The following PTPRD variants were observed in gnomAD, a reference collection of about 807,000 sequenced individuals.
PTPRD encodes the protein receptor-type tyrosine-protein phosphatase delta.
Under a neutral mutation model 214.5 loss-of-function variants are expected in PTPRD, and 34 were observed. The observed-to-expected ratio is 0.16, with a 90% CI of 0.12 to 0.21. The LOEUF (loss-of-function observed/expected upper bound fraction) is 0.21. PTPRD is among the 10% of genes least tolerant of loss of function. PTPRD has a pLI of 1.00. For synonymous variants in PTPRD, 1,128 were observed against 845.7 expected (o/e 1.33, Z -5.79); for missense variants, 2,545 against 2,398.7 (o/e 1.06, Z -1.27).
chr9:8,956,322 A>C (rs1175615145), intron 11 of PTPRD, among the ~76,000 whole-genome samples: 1 of 151,974 alleles, frequency 6.6e-6, no homozygotes, highest in Non-Finnish European at 1.5e-5. Flanking sequence ...AGAAAAAAGA[A>C]AAATAAAAAC....
chr9:9,019,325 A>AAAGG lies in PTPRD; in HGVS notation c.-142-591_-142-590insCCTT, dbSNP rs1237556481. Among the ~76,000 whole-genome samples, 517 of 63,470 alleles carry AAAGG rather than the reference A, an allele frequency of 8.1e-3. 5 individuals are homozygous for AAAGG. Among genetic ancestry groups the AAAGG allele is most frequent in the Middle Eastern group, 0.019 (2 of 106 alleles). The allele number at this position is 63,470 out of a possible 152,430, so 41.6% of individuals were successfully genotyped here. A position where few individuals can be genotyped will look rare whatever the true frequency, so the allele number is the denominator to read the frequency against. Reference sequence around the variant, plus strand: ...GAAAGAAAGAAAGAAAGAAAGAAAGAAAGAAAGAAAGAACGAAAGAAAGAA... The same window carrying AAAGG: ...GAAAGAAAGAAAGAAAGAAAGAAAGAAAGGAAGAAAGAAAGAACGAAAGAAAGAA... On this transcript the variant is annotated intron_variant, in intron 10 of 45. Transcript: ENST00000381196.
At chr9:8,990,008 A>G (rs2099360137) in intron 11 of PTPRD, among the ~76,000 whole-genome samples, 1 of 152,202 alleles carries the variant, frequency 6.6e-6, no homozygotes, top group African/African-American at 2.4e-5. Flanking sequence ...TAAAACCATA[A>G]TAATCTAGAC....
chr9:10,569,647 A>G (rs2066816479), intron 2 of PTPRD, among the ~76,000 whole-genome samples: 1 of 152,110 alleles, frequency 6.6e-6, no homozygotes, highest in South Asian at 2.1e-4. Flanking sequence ...GTAATTCATT[A>G]TAACATTTTC....
At chr9:10,536,811 A>C (rs2135054420) in intron 2 of PTPRD, among the ~76,000 whole-genome samples, 1 of 152,248 alleles carries the variant, frequency 6.6e-6, no homozygotes, top group African/African-American at 2.4e-5. Flanking sequence ...CTTCTACCTG[A>C]GGTTTGAATG....
intron 11 of PTPRD, among the ~76,000 whole-genome samples, chr9:8,747,078 T>G (rs148946707): frequency 0.012 from 1,849 of 152,340 alleles, 35 homozygotes; most frequent in African/African-American, 0.042. Context: ...TAAGAATTTC[T>G]CTATCTTTTG....
At chr9:8,367,385 T>C (rs1377121927) in intron 39 of PTPRD, among the ~76,000 whole-genome samples, 1 of 152,176 alleles carries the variant, frequency 6.6e-6, no homozygotes, top group Non-Finnish European at 1.5e-5. Flanking sequence ...GACATGTTTT[T>C]ATTGTAACAA....
intron 14 of PTPRD, among the ~76,000 whole-genome samples, chr9:8,573,588 G>C (rs1437013249): frequency 6.6e-6 from 1 of 151,896 alleles, no homozygotes; most frequent in African/African-American, 2.4e-5. Context: ...AATTAAAATA[G>C]ATGGAGCCAT....
At chr9:9,618,303 T>G (rs1251019207) in intron 7 of PTPRD, among the ~76,000 whole-genome samples, 1 of 151,916 alleles carries the variant, frequency 6.6e-6, no homozygotes, top group Non-Finnish European at 1.5e-5. Flanking sequence ...CAATTTTAAG[T>G]TGAGATTTAG....
chr9:8,375,455 T>C (rs2082948934), intron 39 of PTPRD, among the ~76,000 whole-genome samples: 1 of 152,072 alleles, frequency 6.6e-6, no homozygotes, highest in South Asian at 2.1e-4. Context: ...TGAGACTTGA[T>C]ATTACTAATG....
chr9:8,945,590 C>T lies in PTPRD; in HGVS notation c.-104+73107G>A, dbSNP rs189481852. On this transcript the variant is annotated intron_variant, in intron 11 of 45. Coordinates refer to ENST00000381196, the MANE Select transcript of PTPRD (RefSeq NM_002839.4). ...TCTCTTGAAAAAAGACACAATAAAC[C>T]CTTCACTGGCAATTGATTCAGATTC... Among the ~76,000 whole-genome samples, 51 of 152,054 alleles carry T rather than the reference C, an allele frequency of 3.4e-4. No homozygotes were observed. In the East Asian group the frequency reaches 7.8e-3, roughly 23 times the overall value.
chr9:10,416,953 G>A (rs1481018035), intron 2 of PTPRD, among the ~76,000 whole-genome samples: 1 of 151,842 alleles, frequency 6.6e-6, no homozygotes, highest in African/African-American at 2.4e-5. Context: ...GATTTTGCAG[G>A]AACTCTCTGA....
At chr9:9,711,373 T>C (rs1046428420) in intron 7 of PTPRD, among the ~76,000 whole-genome samples, 1 of 152,172 alleles carries the variant, frequency 6.6e-6, no homozygotes, top group African/African-American at 2.4e-5. Context: ...AAATGAGGTA[T>C]TACTGTACTT....
chr9:9,986,765 T>C (rs1339544920), intron 4 of PTPRD, among the ~76,000 whole-genome samples: 1 of 152,162 alleles, frequency 6.6e-6, no homozygotes, highest in African/African-American at 2.4e-5. Flanking sequence ...TGAAATACTC[T>C]CTAGAGTTAC....
At chr9:8,757,503 A>T (rs1011399671) in intron 11 of PTPRD, among the ~76,000 whole-genome samples, 1 of 151,922 alleles carries the variant, frequency 6.6e-6, no homozygotes, top group Non-Finnish European at 1.5e-5. Context: ...GAGTAAAGCC[A>T]ATTTGTGGGA....
chr9:8,953,896 G>C lies in PTPRD; in HGVS notation c.-104+64801C>G, dbSNP rs1370658627. Among the ~76,000 whole-genome samples, 4 of 152,064 alleles carry C rather than the reference G, an allele frequency of 2.6e-5. No homozygotes were observed. The East Asian group carries it at 5.8e-4, about 22-fold the overall frequency. On this transcript the variant is annotated intron_variant, in intron 11 of 45. Transcript: ENST00000381196. ...AAAAGGGGACACTTATACACTGGTG[G>C]GAATGTAATTAGTCCTGCCACTGCG...
intron 12 of PTPRD, among the ~76,000 whole-genome samples, chr9:8,672,405 T>C (rs1369508207): frequency 6.6e-6 from 1 of 152,152 alleles, no homozygotes; most frequent in African/African-American, 2.4e-5. Context: ...CTACAAAACA[T>C]ATTGACTAAA....
chr9:10,359,290 ATATGAT>A lies in PTPRD; in HGVS notation c.-599-18279_-599-18274del, dbSNP rs1199868176. On this transcript the variant is annotated intron_variant, in intron 2 of 45. Transcript: ENST00000381196. ...AATTTTTTTAAGCAAAGTAATACAT[ATATGAT>A]TATAAGCCATGTAGTAAAGAAGAGC... is the stretch of plus-strand genomic sequence containing the variant. Among the ~76,000 whole-genome samples the A allele has an allele frequency of 3.9e-5, 6 of 152,174 alleles. No individual in the cohort carries two copies. In the East Asian group the frequency reaches 9.6e-4, roughly 24 times the overall value.
At chr9:8,710,588 T>C (rs2381895) in intron 12 of PTPRD, among the ~76,000 whole-genome samples, 116,551 of 152,082 alleles carry the variant, frequency 0.77, 45,190 homozygotes, top group Non-Finnish European at 0.84. Flanking sequence ...TGCACTCCAG[T>C]CTGGGTGACA....
intron 12 of PTPRD, among the ~76,000 whole-genome samples, chr9:8,722,875 T>C (rs774843085): frequency 6.6e-6 from 1 of 152,226 alleles, no homozygotes; most frequent in African/African-American, 2.4e-5. Context: ...CCAAAGTCTT[T>C]GGTGTTGCAA....
Sources: gnomAD v4.1 joint callset for allele counts (sites outside exome capture counted in the v4.1 genomes callset) on GRCh38, gnomAD v4.1.1 for gene constraint, MANE v1.5 for transcripts, NCBI Gene and HGNC (gene_info 2026-07-23, HGNC 2026-07-21) for gene names.